Variants in UBAC2 observed in about 807,000 individuals in gnomAD.
UBAC2 encodes the protein UBA domain containing 2, also known as ubiquitin-associated domain-containing protein 2.
A neutral mutation model predicts 44.0 loss-of-function variants in UBAC2; 26 were observed. The ratio of observed to expected loss-of-function variants is 0.59; its 90% CI spans 0.43 to 0.82. The LOEUF (loss-of-function observed/expected upper bound fraction) is 0.82, where lower values mean the gene tolerates loss of function less well. Ranked by LOEUF, UBAC2 falls within the 40% of genes least tolerant of loss-of-function variation. The pLI, the probability that UBAC2 is intolerant of heterozygous loss-of-function variation, is 0.00. For missense variants in UBAC2, 329 were observed against 419.4 expected (o/e 0.78, Z 1.88); for synonymous variants, 155 against 154.3 (o/e 1.00, Z -0.04).
intron 4 of UBAC2, among the ~76,000 whole-genome samples, chr13:99,280,385 T>C (rs1402390640): frequency 6.6e-6 from 1 of 152,220 alleles, no homozygotes; most frequent in Non-Finnish European, 1.5e-5. Flanking sequence ...CAATTGTGGT[T>C]ACAACATCCC....
At chr13:99,228,156 C>A (rs1160843467) in intron 1 of UBAC2, among the ~76,000 whole-genome samples, 1 of 152,214 alleles carries the variant, frequency 6.6e-6, no homozygotes, top group African/African-American at 2.4e-5. Flanking sequence ...ATGGATCAAG[C>A]TGCCCGTTGC....
chr13:99,213,130 A>G (rs976565949), intron 1 of UBAC2, among the ~76,000 whole-genome samples: 1 of 152,112 alleles, frequency 6.6e-6, no homozygotes, highest in African/African-American at 2.4e-5. Flanking sequence ...TTGATTTTAT[A>G]CAGAAATGGC....
intron 1 of UBAC2, among the ~76,000 whole-genome samples, chr13:99,234,185 T>TC: frequency 7.8e-6 from 1 of 127,800 alleles, no homozygotes; most frequent in South Asian, 2.7e-4. Context: ...TTTTTTTTTT[T>TC]TTTTTTTTTT....
chr13:99,312,042 C>G (rs1594115526), intron 4 of UBAC2, among the ~76,000 whole-genome samples: 2 of 152,230 alleles, frequency 1.3e-5, no homozygotes, highest in Admixed American at 1.3e-4. Context: ...CTGGAGTTTT[C>G]CCTGTTCTAG....
chr13:99,339,814 G>A (rs1334748246), intron 6 of UBAC2, among the ~76,000 whole-genome samples: 3 of 152,164 alleles, frequency 2.0e-5, no homozygotes, highest in African/African-American at 7.2e-5. Flanking sequence ...ATCAGTAGTT[G>A]AAAAACTGAT....
At chr13:99,248,669 C>T (rs1313856689) in intron 4 of UBAC2, among the ~76,000 whole-genome samples, 1 of 151,950 alleles carries the variant, frequency 6.6e-6, no homozygotes, top group Non-Finnish European at 1.5e-5. Context: ...AGGCGTGAGC[C>T]ACTGTATCCG....
At chr13:99,278,422 G>A (rs1420588259) in intron 4 of UBAC2, among the ~76,000 whole-genome samples, 6 of 152,226 alleles carry the variant, frequency 3.9e-5, no homozygotes, top group African/African-American at 1.4e-4. Context: ...TGGTCATCTC[G>A]AATTGCAACC....
chr13:99,383,838 G>C (rs1312075578), intron 8 of UBAC2, among the ~76,000 whole-genome samples: 1 of 152,236 alleles, frequency 6.6e-6, no homozygotes, highest in African/African-American at 2.4e-5. Context: ...AAGGCTTTTG[G>C]GGGAGGAGGG....
intron 2 of UBAC2, among the ~76,000 whole-genome samples, chr13:99,242,514 C>A (rs1323930784): frequency 4.2e-5 from 6 of 144,164 alleles, no homozygotes; most frequent in African/African-American, 1.5e-4. Context: ...GGCTGCCCCC[C>A]CCACCTCCCT....
intron 8 of UBAC2, among the ~76,000 whole-genome samples, chr13:99,381,197 G>T (rs1236466004): frequency 1.3e-5 from 2 of 152,254 alleles, no homozygotes; most frequent in African/African-American, 4.8e-5. Context: ...GGGCCTGCAT[G>T]CAGTCCATGC....
chr13:99,209,032 C>CCT (rs1489135098), intron 1 of UBAC2, among the ~76,000 whole-genome samples: 10 of 152,208 alleles, frequency 6.6e-5, no homozygotes, highest in African/African-American at 2.2e-4. Flanking sequence ...AACCTAAGAC[C>CCT]CTCTGCTGGC....
At chr13:99,211,411 C>T (rs1222845270) in intron 1 of UBAC2, among the ~76,000 whole-genome samples, 1 of 152,180 alleles carries the variant, frequency 6.6e-6, no homozygotes, top group Non-Finnish European at 1.5e-5. Flanking sequence ...CTAGGACAAA[C>T]ATCTGGGAAA....
intron 6 of UBAC2, among the ~76,000 whole-genome samples, chr13:99,333,744 G>C (rs770544591): frequency 6.6e-6 from 1 of 152,216 alleles, no homozygotes; most frequent in East Asian, 1.9e-4. Context: ...ACATAGTTTT[G>C]TGAGTGTATA....
At chr13:99,223,542 G>GTTTTTTTTTTTTTTTTTTTTT (rs145143990) in intron 1 of UBAC2, among the ~76,000 whole-genome samples, 4 of 62,446 alleles carry the variant, frequency 6.4e-5, no homozygotes, top group African/African-American at 8.2e-5. Context: ...CTCTTTTTCT[G>GTTTTTTTTTTTTTTTTTTTTT]TTTTTTTTTT....
At chr13:99,327,964 G>A (rs1051527413) in intron 6 of UBAC2, among the ~76,000 whole-genome samples, 4 of 152,122 alleles carry the variant, frequency 2.6e-5, no homozygotes, top group Non-Finnish European at 5.9e-5. Flanking sequence ...ATGGAAAGCA[G>A]TCTCCTGACC....
chr13:99,378,619 G>A (rs2045512394), intron 8 of UBAC2, among the ~76,000 whole-genome samples: 1 of 152,206 alleles, frequency 6.6e-6, no homozygotes, highest in South Asian at 2.1e-4. Context: ...AGGAGGTCAG[G>A]CATCATTTTA....
At chr13:99,323,666 C>T (rs2044599356) in intron 6 of UBAC2, among the ~76,000 whole-genome samples, 1 of 152,204 alleles carries the variant, frequency 6.6e-6, no homozygotes, top group Non-Finnish European at 1.5e-5. Context: ...CATATACACT[C>T]CCTTTTCTCC....
At chr13:99,314,057 A>G in intron 4 of UBAC2, 40 bp from the exon 5 acceptor site, 2 of 1,558,932 alleles carry the variant, frequency 1.3e-6, no homozygotes, top group Non-Finnish European at 1.7e-6. Context: ...TGTGTTTAAA[A>G]TTCACTATTA....
intron 1 of UBAC2, among the ~76,000 whole-genome samples, chr13:99,237,267 T>TAC (rs560517982): frequency 0.032 from 3,757 of 118,676 alleles, 55 homozygotes; most frequent in Middle Eastern, 0.13. Context: ...TATATATATA[T>TAC]ATATACACAC....
Sources: allele counts gnomAD v4.1 joint callset (sites outside exome capture counted in the v4.1 genomes callset), GRCh38; gene constraint gnomAD v4.1.1; transcripts MANE v1.5; gene names NCBI Gene and HGNC (gene_info 2026-07-23, HGNC 2026-07-21).